The following ATG13 variants were observed in gnomAD, a reference collection of about 807,000 sequenced individuals.
ATG13 encodes the protein autophagy related 13.
A neutral mutation model predicts 65.5 loss-of-function variants in ATG13; 23 were observed. That is an observed-to-expected ratio of 0.35 (90% CI 0.25 to 0.50). The LOEUF (loss-of-function observed/expected upper bound fraction) is 0.50, where lower values mean the gene tolerates loss of function less well. Among genes scored for constraint, ATG13 ranks in the 20% least tolerant of loss-of-function variants. The pLI is 0.98. For missense variants in ATG13, 566 were observed against 677.0 expected (o/e 0.84, Z 1.82); for synonymous variants, 252 against 245.2 (o/e 1.03, Z -0.26).
At position 46,649,019 on chromosome 11, in the gene ATG13, G is replaced by T. The variant is rs184025603; in HGVS notation, c.271-118G>T. 3.3e-5 allele frequency: 26 copies of T among 795,602 alleles called. No individual in the cohort carries two copies. In the African/African-American group the frequency reaches 3.4e-4, roughly 10 times the overall value. 49.3% of individuals were successfully genotyped at this position (795,602 alleles called of 1,614,324 possible). A position where few individuals can be genotyped will look rare whatever the true frequency, so the allele number is the denominator to read the frequency against. On this transcript the variant is annotated intron_variant, in intron 5 of 18. Coordinates refer to ENST00000683050, the MANE Select transcript of ATG13 (RefSeq NM_001346311.2). ...AGAGAAGAGGCTTGTTCGATTATAA[G>T]TTGATATCTATTCTTTTTTTTTTGC...
chr11:46,663,941 TTTTC>T, intron 11 of ATG13, 52 bp from the exon 12 acceptor site: 1 of 1,228,500 alleles, frequency 8.1e-7, no homozygotes, highest in Non-Finnish European at 1.1e-6. Flanking sequence ...CTCAAGTCCC[TTTTC>T]TTTTTTTTTT....
intron 6 of ATG13, among the ~76,000 whole-genome samples, chr11:46,649,479 C>T (rs556607757): frequency 6.6e-6 from 1 of 152,290 alleles, no homozygotes; most frequent in Admixed American, 6.5e-5. Context: ...TGATTAAATC[C>T]CTTGCGAGCT....
intron 2 of ATG13, among the ~76,000 whole-genome samples, chr11:46,637,328 A>G (rs78398593): frequency 0.037 from 5,700 of 152,316 alleles, 371 homozygotes; most frequent in African/African-American, 0.13. Flanking sequence ...AAATGTTTCT[A>G]CAAGAAAATA....
intron 3 of ATG13, among the ~76,000 whole-genome samples, 169 bp downstream of exon 3, chr11:46,644,529 G>A (rs1216548778): frequency 6.6e-6 from 1 of 151,862 alleles, no homozygotes; most frequent in Non-Finnish European, 1.5e-5. Context: ...GGCGGTATTG[G>A]GGGTGTAGCT....
intron 11 of ATG13, among the ~76,000 whole-genome samples, chr11:46,663,537 G>T (rs1205564660): frequency 6.6e-6 from 1 of 152,102 alleles, no homozygotes; most frequent in East Asian, 1.9e-4. Context: ...AAACTGTCCT[G>T]CAGATTCTGG....
intron 1 of ATG13, among the ~76,000 whole-genome samples, chr11:46,618,594 AATTT>A (rs1225342281): frequency 6.6e-6 from 1 of 152,218 alleles, no homozygotes; most frequent in Non-Finnish European, 1.5e-5. Context: ...AAGGTGATAG[AATTT>A]ATTGGACACC....
chr11:46,650,037 T>G (rs1032920839), intron 6 of ATG13, 140 bp from the exon 7 acceptor site: 1 of 884,918 alleles, frequency 1.1e-6, no homozygotes, highest in Non-Finnish European at 1.6e-6. Flanking sequence ...AAGTAAAACA[T>G]TGGCTTACCT....
intron 7 of ATG13, among the ~76,000 whole-genome samples, chr11:46,650,855 C>T (rs1025671919): frequency 6.6e-6 from 1 of 152,162 alleles, no homozygotes; most frequent in South Asian, 2.1e-4. Flanking sequence ...CTGCCTGCCT[C>T]AGCCTCCCAA....
At chr11:46,633,875 A>G (rs1389872361) in intron 2 of ATG13, among the ~76,000 whole-genome samples, 2 of 152,148 alleles carry the variant, frequency 1.3e-5, no homozygotes, top group Non-Finnish European at 2.9e-5. Context: ...CAAAACCTTG[A>G]TTGAATTAAT....
intron 8 of ATG13, among the ~76,000 whole-genome samples, chr11:46,656,753 A>G (rs998923002): frequency 6.6e-6 from 1 of 152,190 alleles, no homozygotes; most frequent in Non-Finnish European, 1.5e-5. Context: ...CATGTGATGT[A>G]TCCTTTGCAG....
At chr11:46,645,227 A>G in intron 3 of ATG13, 112 bp from the exon 4 acceptor site, 4 of 799,036 alleles carry the variant, frequency 5.0e-6, no homozygotes, top group Non-Finnish European at 5.9e-6. Context: ...CTTATGATTA[A>G]TTGGCATCTT....
chr11:46,623,386 C>CT (rs1425662405), intron 1 of ATG13, among the ~76,000 whole-genome samples: 2 of 152,082 alleles, frequency 1.3e-5, no homozygotes, highest in Non-Finnish European at 2.9e-5. Flanking sequence ...TTTCTCCACT[C>CT]TATTATGGAC....
intron 11 of ATG13, among the ~76,000 whole-genome samples, chr11:46,663,032 G>A (rs1254396808): frequency 6.6e-6 from 1 of 152,072 alleles, no homozygotes; most frequent in Non-Finnish European, 1.5e-5. Flanking sequence ...TTGGGAGGCC[G>A]AGGTGGGCGG....
chr11:46,662,087 C>T (rs956281837), intron 11 of ATG13, among the ~76,000 whole-genome samples: 31 of 152,252 alleles, frequency 2.0e-4, no homozygotes, highest in Non-Finnish European at 3.7e-4. Flanking sequence ...TTCTTGTATG[C>T]TTACTGACAC....
At position 46,673,661 on chromosome 11, in the gene ATG13, G is replaced by GA. The variant is rs2064208955; in HGVS notation, c.*1332dup. ...ACCAGCTGGATTGGCTTCTGGTTGA[G>GA]AAATCAAAGCTGGGCGTATGATTGA... On this transcript the variant is annotated 3_prime_UTR_variant, in exon 19 of 19. Coordinates refer to ENST00000683050, the MANE Select transcript of ATG13 (RefSeq NM_001346311.2). The GA allele has an allele frequency of 6.6e-6, 1 of 152,214 alleles. No individual in the cohort carries two copies. Among genetic ancestry groups the GA allele is most frequent in the Admixed American group, 6.5e-5 (1 of 15,274 alleles). The allele number at this position is 152,214 out of a possible 1,614,324, so 9.4% of individuals were successfully genotyped here.
At chr11:46,632,426 T>A (rs1225920276) in intron 2 of ATG13, 1 of 152,214 alleles carries the variant, frequency 6.6e-6, no homozygotes, top group Admixed American at 6.5e-5. Context: ...TGCAGAAAAG[T>A]TGCAAAGTAA....
At chr11:46,627,710 C>T (rs1442631915) in intron 1 of ATG13, among the ~76,000 whole-genome samples, 1 of 152,028 alleles carries the variant, frequency 6.6e-6, no homozygotes, top group Non-Finnish European at 1.5e-5. Flanking sequence ...AACTCCTGAT[C>T]TCAGGTGATC....
intron 7 of ATG13, 98 bp downstream of exon 7, chr11:46,650,415 T>A: frequency 1.4e-6 from 2 of 1,466,546 alleles, no homozygotes; most frequent in Non-Finnish European, 1.8e-6. Flanking sequence ...TTTGGACAGT[T>A]GGTTGGTTTG....
At chr11:46,658,535 ATT>A (rs912148307) in intron 10 of ATG13, among the ~76,000 whole-genome samples, 10 of 141,696 alleles carry the variant, frequency 7.1e-5, no homozygotes, top group Non-Finnish European at 1.1e-4. Context: ...GTTTCTACCA[ATT>A]TTTTTTTTTT....
Sources: allele counts gnomAD v4.1 joint callset (sites outside exome capture counted in the v4.1 genomes callset), GRCh38; gene constraint gnomAD v4.1.1; transcripts MANE v1.5; gene names NCBI Gene and HGNC (gene_info 2026-07-23, HGNC 2026-07-21).